The following NKAIN3 variants were observed in gnomAD, a reference collection of about 807,000 sequenced individuals.
The protein encoded by NKAIN3 is sodium/potassium transporting ATPase interacting 3, also known as sodium/potassium-transporting ATPase subunit beta-1-interacting protein 3.
Under a neutral mutation model 30.2 loss-of-function variants are expected in NKAIN3, and 25 were observed. That is an observed-to-expected ratio of 0.83 (90% CI 0.60 to 1.16). The LOEUF is 1.16. Ranked by LOEUF, NKAIN3 falls within the 50% of genes most tolerant of loss-of-function variation. The probability of loss-of-function intolerance (pLI) is 0.00; values close to 1 mark genes in which losing one functional copy is unlikely to be tolerated. For synonymous variants in NKAIN3, 91 were observed against 89.6 expected (o/e 1.02, Z -0.09); for missense variants, 225 against 254.1 (o/e 0.89, Z 0.78).
chr8:62,852,890 G>T (rs1819951740), intron 4 of NKAIN3, among the ~76,000 whole-genome samples: 2 of 152,072 alleles, frequency 1.3e-5, no homozygotes, highest in Admixed American at 1.3e-4. Flanking sequence ...GGTCAGTTTT[G>T]GAATAAGTGT....
Position 62,294,794 on chromosome 8 carries a change from C to G in NKAIN3, c.54+45667C>G, listed in dbSNP as rs1177112179. Among the ~76,000 whole-genome samples the G allele has an allele frequency of 2.6e-5, 4 of 152,142 alleles. No individual in the cohort carries two copies. The East Asian group carries it at 7.7e-4, about 29-fold the overall frequency. ...TGGTGGGCTCTAGCTATTCTCCCAC[C>G]TCAGCCTCCCAAAGTACTGGGAATA... On this transcript the variant is annotated intron_variant, in intron 1 of 6. Transcript: ENST00000623646.
At chr8:62,735,129 A>C (rs938011627) in intron 3 of NKAIN3, among the ~76,000 whole-genome samples, 1 of 152,122 alleles carries the variant, frequency 6.6e-6, no homozygotes, top group Non-Finnish European at 1.5e-5. Flanking sequence ...TGAGCTTCTT[A>C]TATTTAGATG....
chr8:62,811,301 G>C (rs1047085055), intron 4 of NKAIN3, among the ~76,000 whole-genome samples: 1 of 151,896 alleles, frequency 6.6e-6, no homozygotes, highest in African/African-American at 2.4e-5. Context: ...TACAGTTTTG[G>C]GCCATTACAA....
intron 1 of NKAIN3, among the ~76,000 whole-genome samples, chr8:62,262,982 A>G (rs144751052): frequency 6.9e-4 from 105 of 152,288 alleles, no homozygotes; most frequent in African/African-American, 2.4e-3. Flanking sequence ...AAAGTGAAGC[A>G]TATTAATTGT....
At chr8:62,355,148 G>C (rs1320335712) in intron 1 of NKAIN3, among the ~76,000 whole-genome samples, 1 of 152,178 alleles carries the variant, frequency 6.6e-6, no homozygotes, top group Non-Finnish European at 1.5e-5. Flanking sequence ...GCAGGGATGA[G>C]TCACTTGTAG....
intron 1 of NKAIN3, among the ~76,000 whole-genome samples, chr8:62,256,453 A>C (rs568619813): frequency 6.6e-6 from 1 of 152,204 alleles, no homozygotes; most frequent in African/African-American, 2.4e-5. Context: ...TAAGTAAATA[A>C]AGTTTTAGAA....
At chr8:62,867,123 G>T (rs1820451715) in intron 4 of NKAIN3, among the ~76,000 whole-genome samples, 1 of 148,894 alleles carries the variant, frequency 6.7e-6, no homozygotes, top group Non-Finnish European at 1.5e-5. Flanking sequence ...AAAGAAAAGG[G>T]TAAAGAGAGT....
chr8:62,931,431 A>C (rs961199419), intron 5 of NKAIN3, among the ~76,000 whole-genome samples: 2 of 152,234 alleles, frequency 1.3e-5, no homozygotes, highest in Admixed American at 1.3e-4. Flanking sequence ...AGATTATCCC[A>C]ATGATTATAA....
intron 4 of NKAIN3, among the ~76,000 whole-genome samples, chr8:62,870,754 G>GAT (rs1440543462): frequency 4.0e-5 from 4 of 99,414 alleles, no homozygotes; most frequent in Non-Finnish European, 8.6e-5. Context: ...TAGATATCTA[G>GAT]ATATATAGAT....
At chr8:62,846,079 A>T (rs1193018811) in intron 4 of NKAIN3, among the ~76,000 whole-genome samples, 1 of 152,154 alleles carries the variant, frequency 6.6e-6, no homozygotes, top group East Asian at 1.9e-4. Context: ...TTGAATTCTT[A>T]AAAATTCATC....
intron 3 of NKAIN3, among the ~76,000 whole-genome samples, chr8:62,715,038 T>G (rs1814850597): frequency 6.6e-6 from 1 of 152,108 alleles, no homozygotes; most frequent in African/African-American, 2.4e-5. Flanking sequence ...AGACTTTCAA[T>G]CATGGTGAAA....
At chr8:62,587,715 T>C (rs942725155) in intron 2 of NKAIN3, among the ~76,000 whole-genome samples, 3 of 152,008 alleles carry the variant, frequency 2.0e-5, no homozygotes, top group African/African-American at 7.2e-5. Context: ...ACATGATATA[T>C]GTAAAGCACT....
intron 1 of NKAIN3, among the ~76,000 whole-genome samples, chr8:62,555,561 G>A (rs1257904513): frequency 6.6e-6 from 1 of 151,960 alleles, no homozygotes; most frequent in Admixed American, 6.6e-5. Context: ...GAAAGTATAG[G>A]CAATTAAGAG....
chr8:62,316,763 G>A (rs1335442326), intron 1 of NKAIN3, among the ~76,000 whole-genome samples: 1 of 152,144 alleles, frequency 6.6e-6, no homozygotes. Flanking sequence ...CTTTATAGCA[G>A]CATGATTTAT....
intron 1 of NKAIN3, among the ~76,000 whole-genome samples, chr8:62,414,326 T>C (rs1212468653): frequency 6.6e-6 from 1 of 152,192 alleles, no homozygotes; most frequent in Non-Finnish European, 1.5e-5. Flanking sequence ...ATGAAGCAAA[T>C]ACAATTATGG....
intron 3 of NKAIN3, among the ~76,000 whole-genome samples, chr8:62,606,632 C>T (rs1196953601): frequency 6.6e-6 from 1 of 152,110 alleles, no homozygotes; most frequent in Non-Finnish European, 1.5e-5. Context: ...GACCCTGTTT[C>T]CAGAACAATG....
At chr8:62,947,494 A>C (rs1166682692) in intron 5 of NKAIN3, among the ~76,000 whole-genome samples, 1 of 152,230 alleles carries the variant, frequency 6.6e-6, no homozygotes, top group East Asian at 1.9e-4. Context: ...CCATTGTAGA[A>C]GAATTTAATT....
chr8:62,361,278 C>A (rs1816552023), intron 1 of NKAIN3, among the ~76,000 whole-genome samples: 1 of 152,172 alleles, frequency 6.6e-6, no homozygotes, highest in Non-Finnish European at 1.5e-5. Flanking sequence ...TTCTATATGA[C>A]CTGATCTTAT....
At chr8:62,870,698 T>G (rs1235094403) in intron 4 of NKAIN3, among the ~76,000 whole-genome samples, 2 of 68,292 alleles carry the variant, frequency 2.9e-5, no homozygotes, top group African/African-American at 1.4e-4. Flanking sequence ...TCTCTATCTA[T>G]ATATCTATAT....
Sources: allele counts gnomAD v4.1 joint callset (sites outside exome capture counted in the v4.1 genomes callset), GRCh38; gene constraint gnomAD v4.1.1; transcripts MANE v1.5; gene names NCBI Gene and HGNC (gene_info 2026-07-23, HGNC 2026-07-21).